Variants in FOXJ3 observed in about 807,000 individuals in gnomAD.
The protein encoded by FOXJ3 is forkhead box protein J3.
In FOXJ3, 22 loss-of-function variants were observed where a neutral mutation model predicts 76.1. The ratio of observed to expected loss-of-function variants is 0.29; its 90% CI spans 0.21 to 0.41. The LOEUF (loss-of-function observed/expected upper bound fraction) is 0.41, where lower values mean the gene tolerates loss of function less well. Among genes scored for constraint, FOXJ3 ranks in the 10% least tolerant of loss-of-function variants. The pLI is 1.00. For synonymous variants in FOXJ3, 269 were observed against 261.2 expected (o/e 1.03, Z -0.29); for missense variants, 613 against 762.1 (o/e 0.80, Z 2.30).
chr1:42,243,152 T>C (rs1034132459), intron 4 of FOXJ3, among the ~76,000 whole-genome samples: 2 of 152,118 alleles, frequency 1.3e-5, no homozygotes, highest in Admixed American at 6.5e-5. Flanking sequence ...TTCATGACCA[T>C]TAGACAAACC....
intron 2 of FOXJ3, among the ~76,000 whole-genome samples, chr1:42,295,522 T>C (rs945043843): frequency 7.2e-6 from 1 of 138,388 alleles, no homozygotes; most frequent in African/African-American, 2.7e-5. Context: ...CAAGTGTCTT[T>C]TTTTTTTTTT....
rs149453520 is a variant in FOXJ3 at position 42,191,708 on chromosome 1, T to C, written c.946A>G (p.Ile316Val). Residue 316 changes from isoleucine to valine, a missense_variant, in exon 9 of 13, where the codon ATC (isoleucine) becomes GTC (valine). Physicochemically the swap from Ile to Val is conservative, Grantham distance 29 (BLOSUM62 3). Coordinates refer to ENST00000361346, the MANE Select transcript of FOXJ3 (RefSeq NM_014947.5). ...GACTGCTGGGAAGATTCAGAAGGGA[T>C]GTTCATCAAACCTAAAAACAAAGCA... ...QSLSQQGLMN[I>V]PSESSQQSHT... 229 of 1,610,312 alleles carry C rather than the reference T, an allele frequency of 1.4e-4. 4 individuals carry two copies. The South Asian group carries it at 2.1e-3, about 15-fold the overall frequency.
chr1:42,309,687 A>G (rs567284944), intron 2 of FOXJ3, among the ~76,000 whole-genome samples: 4 of 152,362 alleles, frequency 2.6e-5, no homozygotes, highest in Admixed American at 2.6e-4. Context: ...AGATGAATAA[A>G]TGATATGGCT....
At chr1:42,204,232 C>T (rs765538107) in intron 6 of FOXJ3, among the ~76,000 whole-genome samples, 1 of 152,092 alleles carries the variant, frequency 6.6e-6, no homozygotes, top group African/African-American at 2.4e-5. Context: ...CTCCTGACCC[C>T]TGAAGCCCTG....
At chr1:42,307,672 T>C (rs1467577626) in intron 2 of FOXJ3, among the ~76,000 whole-genome samples, 1 of 152,186 alleles carries the variant, frequency 6.6e-6, no homozygotes, top group Non-Finnish European at 1.5e-5. Flanking sequence ...GCAAGTAAAG[T>C]AGACCAAAAT....
chr1:42,328,402 T>C (rs967131432), intron 1 of FOXJ3, among the ~76,000 whole-genome samples: 4 of 152,332 alleles, frequency 2.6e-5, no homozygotes, highest in African/African-American at 4.8e-5. Flanking sequence ...GTTCCTCTTA[T>C]TGCACTCTAA....
chr1:42,232,460 T>C (rs1648229686), intron 4 of FOXJ3, among the ~76,000 whole-genome samples: 2 of 149,184 alleles, frequency 1.3e-5, no homozygotes, highest in Non-Finnish European at 3.0e-5. Context: ...CCAGCACCTG[T>C]TGTTTCCTGA....
At chr1:42,286,184 A>T (rs773088513) in intron 2 of FOXJ3, among the ~76,000 whole-genome samples, 3 of 152,216 alleles carry the variant, frequency 2.0e-5, no homozygotes, top group African/African-American at 4.8e-5. Flanking sequence ...TGTAAAATAA[A>T]TTTTTTTAGG....
intron 4 of FOXJ3, among the ~76,000 whole-genome samples, chr1:42,261,050 G>A (rs568395041): frequency 1.3e-5 from 2 of 152,292 alleles, no homozygotes; most frequent in Non-Finnish European, 1.5e-5. Flanking sequence ...AAACAAAATT[G>A]AGAAAAGGTT....
At chr1:42,251,760 C>T (rs887120547) in intron 4 of FOXJ3, among the ~76,000 whole-genome samples, 2 of 130,664 alleles carry the variant, frequency 1.5e-5, no homozygotes, top group African/African-American at 3.1e-5. Flanking sequence ...GCTCTGTTGC[C>T]CAGGCTGGAG....
rs527587580 is a variant in FOXJ3, at chr1:42,192,420, A to T, written c.935-701T>A. ...GGATAGGGCCCAACAAAAAGTTATT[A>T]GCATAAAGTAAGGAGGCTTAAAGGA... On this transcript the variant is annotated intron_variant, in intron 8 of 12. Coordinates refer to ENST00000361346, the MANE Select transcript of FOXJ3 (RefSeq NM_014947.5). Among the ~76,000 whole-genome samples, 5 of 152,272 alleles carry T rather than the reference A, an allele frequency of 3.3e-5. No individual in the cohort carries two copies. The South Asian group carries it at 1.0e-3, about 32-fold the overall frequency.
chr1:42,268,838 G>C (rs1471549028), intron 3 of FOXJ3, among the ~76,000 whole-genome samples: 1 of 152,124 alleles, frequency 6.6e-6, no homozygotes, highest in Non-Finnish European at 1.5e-5. Flanking sequence ...TGGAGGTGGA[G>C]CCTTTAAGGT....
At chr1:42,316,154 A>G (rs531579494) in intron 1 of FOXJ3, among the ~76,000 whole-genome samples, 1 of 152,058 alleles carries the variant, frequency 6.6e-6, no homozygotes, top group South Asian at 2.1e-4. Context: ...AAGTATTTTG[A>G]AAAAGCTCTG....
intron 1 of FOXJ3, among the ~76,000 whole-genome samples, chr1:42,324,548 G>A (rs1014222031): frequency 5.9e-5 from 9 of 151,844 alleles, no homozygotes; most frequent in Admixed American, 2.6e-4. Context: ...GAAACGTGTC[G>A]TTAGGCGATT....
At chr1:42,313,105 C>T (rs1376793600) in intron 1 of FOXJ3, among the ~76,000 whole-genome samples, 3 of 152,046 alleles carry the variant, frequency 2.0e-5, no homozygotes, top group African/African-American at 7.3e-5. Flanking sequence ...GAGGCCGAGG[C>T]GGCCGGATCA....
At chr1:42,223,690 G>T (rs1440558560) in intron 5 of FOXJ3, among the ~76,000 whole-genome samples, 1 of 152,126 alleles carries the variant, frequency 6.6e-6, no homozygotes, top group Admixed American at 6.5e-5. Flanking sequence ...CTTAATATTT[G>T]CTCTGTCATT....
chr1:42,258,548 A>G (rs1013655721), intron 4 of FOXJ3, among the ~76,000 whole-genome samples: 1 of 152,228 alleles, frequency 6.6e-6, no homozygotes, highest in Non-Finnish European at 1.5e-5. Flanking sequence ...GATAACAACT[A>G]TTCCAATGCC....
intron 1 of FOXJ3, among the ~76,000 whole-genome samples, chr1:42,331,567 C>T (rs1656166981): frequency 6.6e-6 from 1 of 152,068 alleles, no homozygotes; most frequent in African/African-American, 2.4e-5. Context: ...ACACAAAAGA[C>T]CGTATGTTGT....
At chr1:42,217,981 C>T (rs11806205) in intron 5 of FOXJ3, among the ~76,000 whole-genome samples, 1,732 of 152,238 alleles carry the variant, frequency 0.011, 38 homozygotes, top group African/African-American at 0.04. Context: ...CCATTTTTAA[C>T]CCCCAGGAAA....
Sources: gnomAD v4.1 joint callset for allele counts (sites outside exome capture counted in the v4.1 genomes callset) on GRCh38, gnomAD v4.1.1 for gene constraint, MANE v1.5 for transcripts, NCBI Gene and HGNC (gene_info 2026-07-23, HGNC 2026-07-21) for gene names.